Variants in DIAPH2 observed in about 807,000 individuals in gnomAD.
DIAPH2 encodes protein diaphanous homolog 2.
In DIAPH2, 35 loss-of-function variants were observed where a neutral mutation model predicts 92.7. The observed-to-expected ratio is 0.38, with a 90% CI of 0.29 to 0.50. The LOEUF (loss-of-function observed/expected upper bound fraction) is 0.50. Among genes scored for constraint, DIAPH2 ranks in the 20% least tolerant of loss-of-function variants. DIAPH2 has a pLI of 0.94. For synonymous variants in DIAPH2, 301 were observed against 280.4 expected (o/e 1.07, Z -0.73); for missense variants, 701 against 819.5 (o/e 0.86, Z 1.77).
intron 23 of DIAPH2, among the ~76,000 whole-genome samples, chrX:97,259,979 G>A (rs1193690017): frequency 3.6e-5 from 4 of 111,521 alleles, no homozygotes; most frequent in African/African-American, 1.3e-4. Flanking sequence ...ACAGGCGCCC[G>A]TCACCACTCC....
At chrX:96,929,437 G>A (rs1348063990) in intron 9 of DIAPH2, among the ~76,000 whole-genome samples, 3 of 110,909 alleles carry the variant, frequency 2.7e-5, no homozygotes, top group African/African-American at 9.8e-5. Flanking sequence ...CAGATATCTG[G>A]TCATGTTAGA....
intron 17 of DIAPH2, among the ~76,000 whole-genome samples, chrX:97,001,171 A>G (rs763364432): frequency 5.2e-4 from 58 of 112,129 alleles, no homozygotes; most frequent in African/African-American, 1.7e-3. Context: ...TGAAGGTAAG[A>G]AACAGGTCAT....
At chrX:96,970,978 G>A (rs933428585) in intron 17 of DIAPH2, among the ~76,000 whole-genome samples, 2 of 111,461 alleles carry the variant, frequency 1.8e-5, no homozygotes, top group Non-Finnish European at 3.8e-5. Flanking sequence ...TTCTGTAAAG[G>A]CATAAAATTT....
At chrX:97,332,754 TACAC>T (rs774120687) in intron 23 of DIAPH2, among the ~76,000 whole-genome samples, 14 of 111,485 alleles carry the variant, frequency 1.3e-4, no homozygotes, top group Admixed American at 2.9e-4. Context: ...AAAATTAAAA[TACAC>T]ACACACTCAC....
intron 4 of DIAPH2, among the ~76,000 whole-genome samples, chrX:96,852,062 TA>T (rs1357196676): frequency 1.8e-5 from 2 of 112,354 alleles, no homozygotes; most frequent in Non-Finnish European, 3.8e-5. Flanking sequence ...GAAAAGCTCT[TA>T]TGTTAGACTG....
At chrX:97,313,860 G>A (rs1230327952) in intron 23 of DIAPH2, among the ~76,000 whole-genome samples, 5 of 109,597 alleles carry the variant, frequency 4.6e-5, no homozygotes, top group South Asian at 4.0e-4. Flanking sequence ...GGCTGGTATC[G>A]AACTCCTGAC....
rs1288213599 is a variant in DIAPH2 at position 97,129,137 on chromosome X, TTTTCTTTTC to T, written c.2590-12515_2590-12507del. Among the ~76,000 whole-genome samples the T allele has an allele frequency of 3.0e-3, 225 of 75,881 alleles. 3 individuals are homozygous for T. Among genetic ancestry groups the T allele is most frequent in the East Asian group, 0.015 (38 of 2,562 alleles). The allele number at this position is 75,881 out of a possible 115,157, so 65.9% of individuals were successfully genotyped here. A position where few individuals can be genotyped will look rare whatever the true frequency, so the allele number is the denominator to read the frequency against. ...TTTTCTTTTCTTTTCTTTTCTTTTCTTTTCTTTTCTTTCTTTTCTTTTCTTTTCTTTCTT... is the reference window on the plus strand; with the variant it reads ...TTTTCTTTTCTTTTCTTTTCTTTTCTTTTCTTTTCTTTTCTTTTCTTTCTT... On this transcript the variant is annotated intron_variant, in intron 21 of 26. Transcript: ENST00000324765.
intron 22 of DIAPH2, among the ~76,000 whole-genome samples, chrX:97,210,451 C>G (rs759212610): frequency 2.7e-5 from 3 of 111,051 alleles, no homozygotes; most frequent in African/African-American, 9.8e-5. Flanking sequence ...AAGTACATAC[C>G]CGAAGCTAGA....
intron 26 of DIAPH2, among the ~76,000 whole-genome samples, chrX:97,470,577 ATATTAT>A (rs1289743023): frequency 9.0e-6 from 1 of 110,529 alleles, no homozygotes. Flanking sequence ...TATAAAATTG[ATATTAT>A]TATTAATCCA....
chrX:97,173,919 A>C (rs1232063403), intron 22 of DIAPH2, among the ~76,000 whole-genome samples: 3 of 107,908 alleles, frequency 2.8e-5, no homozygotes, highest in Admixed American at 1.0e-4. Context: ...AAAAAAAAAA[A>C]CAGTGAAAAA....
intron 24 of DIAPH2, among the ~76,000 whole-genome samples, chrX:97,372,607 C>T (rs2069458605): frequency 9.0e-6 from 1 of 111,650 alleles, no homozygotes; most frequent in African/African-American, 3.3e-5. Flanking sequence ...CAACTAAACT[C>T]AAGGACTTTT....
chrX:97,192,875 A>T (rs962354297), intron 22 of DIAPH2, among the ~76,000 whole-genome samples: 1 of 110,621 alleles, frequency 9.0e-6, no homozygotes, highest in Non-Finnish European at 1.9e-5. Flanking sequence ...GTTACTTAAG[A>T]CTCACTACTA....
intron 1 of DIAPH2, among the ~76,000 whole-genome samples, chrX:96,696,711 A>C (rs2063827178): frequency 1.8e-5 from 2 of 111,932 alleles, no homozygotes; most frequent in African/African-American, 3.2e-5. Context: ...TTCAGTGACC[A>C]AGTACAGTAT....
At chrX:97,191,024 T>A (rs1569324895) in intron 22 of DIAPH2, among the ~76,000 whole-genome samples, 1 of 109,284 alleles carries the variant, frequency 9.2e-6, no homozygotes, top group Admixed American at 9.9e-5. Flanking sequence ...TGGACCTGAC[T>A]CTCATACAGA....
At chrX:97,446,303 T>C (rs2070309903) in intron 26 of DIAPH2, among the ~76,000 whole-genome samples, 1 of 112,204 alleles carries the variant, frequency 8.9e-6, no homozygotes, top group Non-Finnish European at 1.9e-5. Flanking sequence ...GCATATTTAT[T>C]TACATTTGAC....
chrX:97,141,341 A>G (rs1371059607), intron 21 of DIAPH2, among the ~76,000 whole-genome samples: 2 of 111,699 alleles, frequency 1.8e-5, no homozygotes, highest in Non-Finnish European at 3.8e-5. Flanking sequence ...TGATAAAATA[A>G]GCACACAGTA....
chrX:97,596,672 T>C (rs1407979006), intron 26 of DIAPH2, among the ~76,000 whole-genome samples: 1 of 111,755 alleles, frequency 8.9e-6, no homozygotes, highest in Admixed American at 9.5e-5. Context: ...CTGGCAGCAA[T>C]CATATCTAAC....
intron 22 of DIAPH2, among the ~76,000 whole-genome samples, chrX:97,199,448 C>T (rs761829606): frequency 9.0e-6 from 1 of 111,532 alleles, no homozygotes; most frequent in African/African-American, 3.3e-5. Flanking sequence ...TAATTCTACA[C>T]TCCAGTCTCT....
At chrX:97,146,310 G>A (rs1435116809) in intron 22 of DIAPH2, among the ~76,000 whole-genome samples, 3 of 107,083 alleles carry the variant, frequency 2.8e-5, no homozygotes, top group African/African-American at 1.0e-4. Context: ...AAATGATCCC[G>A]TTCTCTTCAA....
Sources: gnomAD v4.1 joint callset for allele counts (sites outside exome capture counted in the v4.1 genomes callset) on GRCh38, gnomAD v4.1.1 for gene constraint, MANE v1.5 for transcripts, NCBI Gene and HGNC (gene_info 2026-07-23, HGNC 2026-07-21) for gene names.